ADGRL2: variants seen among roughly 807,000 people sequenced by gnomAD.
ADGRL2 encodes adhesion G protein-coupled receptor L2.
ADGRL2 carries 44 observed loss-of-function variants against 157.4 expected under a neutral mutation model. That is an observed-to-expected ratio of 0.28 (90% CI 0.22 to 0.36). The LOEUF (loss-of-function observed/expected upper bound fraction) is 0.36. Among genes scored for constraint, ADGRL2 ranks in the 10% least tolerant of loss-of-function variants. ADGRL2 has a pLI of 1.00. For missense variants in ADGRL2, 1,510 were observed against 1,768.9 expected (o/e 0.85, Z 2.63); for synonymous variants, 585 against 624.7 (o/e 0.94, Z 0.95).
chr1:81,385,091 T>C, intron 1 of ADGRL2, among the ~76,000 whole-genome samples: 1 of 152,150 alleles, frequency 6.6e-6, no homozygotes, highest in Non-Finnish European at 1.5e-5. Flanking sequence ...AAAGGGGACA[T>C]AGTATTCCAT....
At chr1:81,884,456 T>C (rs774274656) in intron 2 of ADGRL2, among the ~76,000 whole-genome samples, 3 of 152,216 alleles carry the variant, frequency 2.0e-5, no homozygotes, top group Non-Finnish European at 2.9e-5. Flanking sequence ...TGTTCCAAAA[T>C]TGGACAATTT....
At chr1:81,766,830 C>CAAAAAAAA (rs71592740) in intron 2 of ADGRL2, among the ~76,000 whole-genome samples, 1 of 81,098 alleles carries the variant, frequency 1.2e-5, no homozygotes, top group Non-Finnish European at 2.4e-5. Context: ...AACTCCGTCT[C>CAAAAAAAA]AAAAAAAAAA....
rs1397186182 is a variant in ADGRL2 at position 81,831,382 on chromosome 1, G to A, written c.-100-5503G>A. Among the ~76,000 whole-genome samples, 5 of 152,116 alleles carry A rather than the reference G, an allele frequency of 3.3e-5. No homozygotes were observed. In the South Asian group the frequency reaches 6.2e-4, roughly 19 times the overall value. On this transcript the variant is annotated intron_variant, in intron 1 of 23. Transcript: ENST00000686636. ...ATTACCTAAGGGATGTTTAGCTCATGTAAACATTTTAAAAATCAACTCGCT... is the reference window on the plus strand; with the variant it reads ...ATTACCTAAGGGATGTTTAGCTCATATAAACATTTTAAAAATCAACTCGCT...
At chr1:81,535,710 A>T (rs756782963) in intron 2 of ADGRL2, among the ~76,000 whole-genome samples, 24 of 152,184 alleles carry the variant, frequency 1.6e-4, no homozygotes, top group Non-Finnish European at 3.4e-4. Context: ...GGATTTTGGC[A>T]GATGAAATTA....
intron 2 of ADGRL2, among the ~76,000 whole-genome samples, chr1:81,869,705 TA>T (rs67231016): frequency 0.11 from 16,156 of 150,116 alleles, 893 homozygotes; most frequent in South Asian, 0.17. Flanking sequence ...TAAATGTATG[TA>T]AAAAAAAAAT....
intron 1 of ADGRL2, among the ~76,000 whole-genome samples, chr1:81,735,665 C>T (rs141435951): frequency 0.017 from 2,573 of 152,088 alleles, 67 homozygotes; most frequent in African/African-American, 0.057. Context: ...TGGTGGATGC[C>T]TGTAATCCCA....
intron 1 of ADGRL2, among the ~76,000 whole-genome samples, chr1:81,339,350 G>A (rs1482593824): frequency 5.3e-5 from 8 of 152,122 alleles, no homozygotes; most frequent in Non-Finnish European, 5.9e-5. Context: ...TTGCTCTTAA[G>A]CATCATACCC....
intron 2 of ADGRL2, among the ~76,000 whole-genome samples, chr1:81,778,417 A>G (rs1441198273): frequency 1.3e-5 from 2 of 152,084 alleles, no homozygotes; most frequent in Non-Finnish European, 2.9e-5. Flanking sequence ...CTTTGCTAGA[A>G]TCTAGAGATC....
intron 1 of ADGRL2, among the ~76,000 whole-genome samples, chr1:81,415,387 G>A: frequency 6.6e-6 from 1 of 152,092 alleles, no homozygotes; most frequent in Admixed American, 6.6e-5. Flanking sequence ...GGCCTCAGTA[G>A]TTACAGACTA....
intron 2 of ADGRL2, among the ~76,000 whole-genome samples, chr1:81,782,408 A>G (rs1002682480): frequency 6.6e-6 from 1 of 152,212 alleles, no homozygotes; most frequent in Admixed American, 6.5e-5. Context: ...CTAATGCCAG[A>G]ATTCATTTTT....
intron 1 of ADGRL2, among the ~76,000 whole-genome samples, chr1:81,441,641 C>T (rs1436068125): frequency 6.6e-6 from 1 of 152,186 alleles, no homozygotes; most frequent in African/African-American, 2.4e-5. Context: ...AGTGATTCTC[C>T]TGCCTCAGCC....
At chr1:81,342,739 G>C (rs1157582525) in intron 1 of ADGRL2, among the ~76,000 whole-genome samples, 1 of 152,064 alleles carries the variant, frequency 6.6e-6, no homozygotes, top group Non-Finnish European at 1.5e-5. Context: ...TTAACAGCAT[G>C]ATGAGGTCAA....
intron 1 of ADGRL2, chr1:81,722,715 A>G (rs1355510279): frequency 1.0e-6 from 1 of 962,384 alleles, no homozygotes; most frequent in Non-Finnish European, 1.7e-6. Flanking sequence ...GCGAAACGTG[A>G]AGAGCGAGAG....
chr1:81,502,131 C>G (rs2078866357), intron 2 of ADGRL2: 2 of 1,598,334 alleles, frequency 1.3e-6, no homozygotes, highest in Non-Finnish European at 1.7e-6. Flanking sequence ...GAAACCCAGG[C>G]TGCTTCAAAA....
chr1:81,890,843 G>A (rs186883172), intron 2 of ADGRL2, among the ~76,000 whole-genome samples: 34 of 152,086 alleles, frequency 2.2e-4, no homozygotes, highest in African/African-American at 7.5e-4. Flanking sequence ...TGGTTCTCAG[G>A]GTGAGAAATT....
intron 2 of ADGRL2, among the ~76,000 whole-genome samples, chr1:81,859,471 A>T (rs1294288935): frequency 7.2e-6 from 1 of 139,056 alleles, no homozygotes; most frequent in Non-Finnish European, 1.5e-5. Context: ...CAGTGGCATG[A>T]TTTCTGCCTA....
intron 1 of ADGRL2, among the ~76,000 whole-genome samples, chr1:81,803,435 C>T (rs1455994022): frequency 1.3e-5 from 2 of 151,770 alleles, no homozygotes; most frequent in African/African-American, 2.4e-5. Context: ...GGCTTTTTTT[C>T]CCCCCCTCCA....
At chr1:81,958,826 CT>C (rs1293818681) in intron 11 of ADGRL2, among the ~76,000 whole-genome samples, 1 of 152,100 alleles carries the variant, frequency 6.6e-6, no homozygotes, top group Non-Finnish European at 1.5e-5. Context: ...CACTGATGTG[CT>C]TTTCGTCCAT....
At chr1:81,916,104 A>G (rs1391619935) in intron 3 of ADGRL2, among the ~76,000 whole-genome samples, 5 of 152,204 alleles carry the variant, frequency 3.3e-5, no homozygotes, top group Admixed American at 1.3e-4. Context: ...AAAATGTACT[A>G]AACAATCAAG....
Sources: allele counts gnomAD v4.1 joint callset (sites outside exome capture counted in the v4.1 genomes callset), GRCh38; gene constraint gnomAD v4.1.1; transcripts MANE v1.5; gene names NCBI Gene and HGNC (gene_info 2026-07-23, HGNC 2026-07-21).